ATP8B1: variants seen among roughly 807,000 people sequenced by gnomAD.
ATP8B1 encodes ATPase phospholipid transporting 8B1, also known as phospholipid-transporting ATPase IC.
In ATP8B1, 80 loss-of-function variants were observed where a neutral mutation model predicts 149.9. The ratio of observed to expected loss-of-function variants is 0.53; its 90% CI spans 0.45 to 0.64. The LOEUF (loss-of-function observed/expected upper bound fraction) is 0.64. Among genes scored for constraint, ATP8B1 ranks in the 30% least tolerant of loss-of-function variants. The pLI is 0.00. For missense variants in ATP8B1, 1,247 were observed against 1,552.6 expected (o/e 0.80, Z 3.31); for synonymous variants, 536 against 562.8 (o/e 0.95, Z 0.67).
intron 22 of ATP8B1, 52 bp downstream of exon 22, chr18:57,661,122 A>G (rs1312212368): frequency 6.2e-7 from 1 of 1,604,418 alleles, no homozygotes; most frequent in Non-Finnish European, 8.5e-7. Flanking sequence ...CATTCCAGCC[A>G]TTTCTCCTCT....
At chr18:57,781,184 G>A (rs1452488665) in intron 1 of ATP8B1, among the ~76,000 whole-genome samples, 1 of 152,206 alleles carries the variant, frequency 6.6e-6, no homozygotes, top group African/African-American at 2.4e-5. Flanking sequence ...TAAAACACAG[G>A]AACTTCTACT....
Position 57,727,919 on chromosome 18 carries a change from G to A in ATP8B1, c.181+3708C>T, listed in dbSNP as rs530260742. The stretch of plus-strand genomic sequence containing the variant: ...ATCCCATAGCACTGAAAACATTCCC[G>A]CTCATTTCTGAGAATCTTTGCTGAA... On this transcript the variant is annotated intron_variant, in intron 2 of 27. Coordinates refer to ENST00000648908, the MANE Select transcript of ATP8B1 (RefSeq NM_001374385.1). Among the ~76,000 whole-genome samples, 9 of 152,208 alleles carry A rather than the reference G, an allele frequency of 5.9e-5. No homozygotes were observed. The South Asian group carries it at 1.5e-3, about 25-fold the overall frequency.
intron 1 of ATP8B1, among the ~76,000 whole-genome samples, chr18:57,793,886 C>T (rs1217686489): frequency 6.6e-6 from 1 of 152,198 alleles, no homozygotes; most frequent in Admixed American, 6.5e-5. Flanking sequence ...CTACTTACAT[C>T]ACCATTCACA....
At chr18:57,676,755 GAAAC>G (rs1157825640) in intron 15 of ATP8B1, among the ~76,000 whole-genome samples, 1 of 144,250 alleles carries the variant, frequency 6.9e-6, no homozygotes, top group Non-Finnish European at 1.5e-5. Context: ...AAGAAAAGTT[GAAAC>G]AAACCAACCA....
chr18:57,651,438 G>A (rs317823), intron 26 of ATP8B1, among the ~76,000 whole-genome samples: 48,887 of 151,848 alleles, frequency 0.32, 8,038 homozygotes, highest in East Asian at 0.4. Flanking sequence ...AGAAAGAATA[G>A]GCTTTTATCC....
intron 20 of ATP8B1, among the ~76,000 whole-genome samples, chr18:57,664,203 C>T (rs1910710167): frequency 6.6e-6 from 1 of 151,272 alleles, no homozygotes; most frequent in Admixed American, 6.6e-5. Flanking sequence ...GTATACACAG[C>T]AACAGAAGAA....
At chr18:57,653,045 A>C (rs1379687032) in intron 24 of ATP8B1, among the ~76,000 whole-genome samples, 1 of 152,174 alleles carries the variant, frequency 6.6e-6, no homozygotes, top group Admixed American at 6.5e-5. Flanking sequence ...CTCCTGAGTG[A>C]ATATATATTG....
chr18:57,753,945 A>AAAAG (rs1414147771), intron 1 of ATP8B1, among the ~76,000 whole-genome samples: 4 of 85,428 alleles, frequency 4.7e-5, no homozygotes, highest in African/African-American at 1.3e-4. Flanking sequence ...AAAAAAAAAA[A>AAAAG]AAAGAAAGAA....
At chr18:57,713,253 TTC>T (rs1365809395) in intron 2 of ATP8B1, among the ~76,000 whole-genome samples, 1 of 136,168 alleles carries the variant, frequency 7.3e-6, no homozygotes, top group Non-Finnish European at 1.6e-5. Context: ...CTTTCTTTCT[TTC>T]TTTCTTTCTC....
intron 1 of ATP8B1, 37 bp from the exon 2 acceptor site, chr18:57,731,869 C>A: frequency 6.2e-7 from 1 of 1,604,140 alleles, no homozygotes; most frequent in Non-Finnish European, 8.5e-7. Flanking sequence ...AATTATGACT[C>A]TTGCCCAGTT....
At chr18:57,779,709 C>G (rs2080341119) in intron 1 of ATP8B1, among the ~76,000 whole-genome samples, 1 of 152,008 alleles carries the variant, frequency 6.6e-6, no homozygotes, top group African/African-American at 2.4e-5. Context: ...ACCAGCCCAA[C>G]CAACATGGTG....
At chr18:57,697,124 G>A (rs1390221199) in intron 8 of ATP8B1, among the ~76,000 whole-genome samples, 5 of 152,092 alleles carry the variant, frequency 3.3e-5, no homozygotes, top group Non-Finnish European at 7.4e-5. Flanking sequence ...AGCTGGGTGT[G>A]GGGGCTGGAG....
chr18:57,668,513 T>A lies in ATP8B1; in HGVS notation c.2125A>T (p.Lys709Ter), dbSNP rs1179545257. 6.6e-7 allele frequency: 1 copy of A among 1,523,946 alleles called. No homozygotes were observed. The highest frequency in any genetic ancestry group is 1.8e-5 in the Admixed American group (1 of 56,602). The allele number at this position is 1,523,946 out of a possible 1,614,324, so 94.4% of individuals were successfully genotyped here. A position where few individuals can be genotyped will look rare whatever the true frequency, so the allele number is the denominator to read the frequency against. ...GTTTCTGGAACTCCATCCTGTAGCT[T>A]GTCTTCAATAGCTGTAGCTCCCAGG... Reference protein sequence around the residue: ...ILLGATAIEDKLQDGVPETIS... With the variant: ...ILLGATAIED The change falls in exon 19 of 28, where the codon AAG (lysine) becomes TAG (stop). Residue 709 changes from lysine (K) to a stop codon, truncating the protein, a stop_gained. Transcript: ENST00000648908. LOFTEE classifies it high-confidence loss of function.
At chr18:57,735,791 GTCTTTATTTTACTT>G (rs1416806011) in intron 1 of ATP8B1, among the ~76,000 whole-genome samples, 36 of 8,552 alleles carry the variant, frequency 4.2e-3, no homozygotes, top group African/African-American at 5.4e-3. Flanking sequence ...TCCCTACTAA[GTCTTTATTTTACTT>G]TATTTTATTT....
chr18:57,668,760 T>G lies in ATP8B1; in HGVS notation c.2098-220A>C. The stretch of plus-strand genomic sequence containing the variant: ...ACTTTTTCCCTAAAGGATGAACTAT[T>G]TAATTTACCAAGACAAAAATGCAAG... On this transcript the variant is annotated intron_variant, in intron 18 of 27. Transcript: ENST00000648908. 8.0e-6 allele frequency: 4 copies of G among 499,638 alleles called. 1 individual carries two copies. The South Asian group carries it at 8.7e-5, about 11-fold the overall frequency. 31.0% of individuals were successfully genotyped at this position (499,638 alleles called of 1,614,324 possible). A position where few individuals can be genotyped will look rare whatever the true frequency, so the allele number is the denominator to read the frequency against.
At chr18:57,654,977 A>G (rs1909895200) in intron 23 of ATP8B1, among the ~76,000 whole-genome samples, 1 of 152,154 alleles carries the variant, frequency 6.6e-6, no homozygotes, top group East Asian at 1.9e-4. Context: ...GTGAGCCACC[A>G]TGCCTGGCCA....
In ATP8B1 at chr18:57,680,620, A is replaced by AAAACAAAAC. The variant is rs1568193464; in HGVS notation, c.1630+3415_1630+3416insGTTTTGTTT. On this transcript the variant is annotated intron_variant, in intron 15 of 27. Transcript: ENST00000648908. ...CAAAACAAAACAAAACAAAACAAAA[A>AAAACAAAAC]AAAAACCACACACGCTCACAAAAAC... is the stretch of plus-strand genomic sequence containing the variant. Among the ~76,000 whole-genome samples the AAAACAAAAC allele has an allele frequency of 4.4e-4, 59 of 133,210 alleles. No homozygotes were observed. The East Asian group carries it at 5.1e-3, about 12-fold the overall frequency. 87.4% of individuals were successfully genotyped at this position (133,210 alleles called of 152,430 possible).
chr18:57,654,178 T>C, intron 23 of ATP8B1, 103 bp from the exon 24 acceptor site: 1 of 1,091,692 alleles, frequency 9.2e-7, no homozygotes, highest in South Asian at 1.3e-5. Flanking sequence ...TGTTTGTTTG[T>C]TTGTTTTAAT....
intron 27 of ATP8B1, among the ~76,000 whole-genome samples, chr18:57,649,720 G>A (rs1484352489): frequency 1.3e-5 from 2 of 152,092 alleles, no homozygotes; most frequent in African/African-American, 4.8e-5. Flanking sequence ...CACTGTACTG[G>A]GGCCCTTGGG....
Sources: gnomAD v4.1 joint callset for allele counts (sites outside exome capture counted in the v4.1 genomes callset) on GRCh38, gnomAD v4.1.1 for gene constraint, MANE v1.5 for transcripts, NCBI Gene and HGNC (gene_info 2026-07-23, HGNC 2026-07-21) for gene names.